The following PAICS variants were observed in gnomAD, a reference collection of about 807,000 sequenced individuals.
PAICS encodes phosphoribosylaminoimidazole carboxylase and phosphoribosylaminoimidazolesuccinocarboxamide synthase, also known as bifunctional phosphoribosylaminoimidazole carboxylase/phosphoribosylaminoimidazole succinocarboxamide synthetase.
A neutral mutation model predicts 53.7 loss-of-function variants in PAICS; 33 were observed. The observed-to-expected ratio is 0.61, with a 90% CI of 0.47 to 0.82. The LOEUF (loss-of-function observed/expected upper bound fraction) is 0.82, where lower values mean the gene tolerates loss of function less well. PAICS is among the 40% of genes least tolerant of loss of function. The pLI, the probability that PAICS is intolerant of heterozygous loss-of-function variation, is 0.00. For synonymous variants in PAICS, 141 were observed against 167.2 expected (o/e 0.84, Z 1.21); for missense variants, 394 against 494.1 (o/e 0.80, Z 1.92).
At chr4:56,434,618 C>T (rs1480575347), upstream of PAICS, among the ~76,000 whole-genome samples, 4 of 152,146 alleles carry the variant, frequency 2.6e-5, no homozygotes, top group South Asian at 6.2e-4. Flanking sequence ...CCCTGTCCCC[C>T]TTTTGAAGAA....
the PAICS span, among the ~76,000 whole-genome samples, chr4:56,426,865 C>A: frequency 6.6e-6 from 1 of 152,198 alleles, no homozygotes; most frequent in Non-Finnish European, 1.5e-5. Flanking sequence ...TCATTCCAAA[C>A]TGAAACTTCT....
intron 2 of PAICS, among the ~76,000 whole-genome samples, chr4:56,444,370 T>C (rs1177923196): frequency 1.3e-5 from 2 of 152,198 alleles, no homozygotes; most frequent in African/African-American, 4.8e-5. Flanking sequence ...GAAATCCCAA[T>C]TTCCTCACAG....
At chr4:56,453,023 A>C (rs1718994128) in intron 7 of PAICS, among the ~76,000 whole-genome samples, 2 of 152,226 alleles carry the variant, frequency 1.3e-5, no homozygotes, top group Non-Finnish European at 2.9e-5. Flanking sequence ...TTTGGATTCT[A>C]GGTTAACAAA....
the PAICS span, chr4:56,419,821 TAGACAG>T: frequency 3.6e-5 from 35 of 984,210 alleles, no homozygotes; most frequent in East Asian, 2.5e-3. Flanking sequence ...AAATTTGGAA[TAGACAG>T]AGACTGGAAA....
In PAICS at chr4:56,451,874, G is replaced by T. The variant is rs1263058178; in HGVS notation, c.774G>T (p.Leu258Phe). 6.5e-7 allele frequency: 1 copy of T among 1,543,260 alleles called. No homozygotes were observed. Among genetic ancestry groups the T allele is most frequent in the Non-Finnish European group, 8.7e-7 (1 of 1,146,526 alleles). ...NFEWVAERVE[L>F]LLKSESQCRV... ...ATATCCACGTATTTTTTCTTCAGTT[G>T]CTTTTGAAATCAGAAAGTCAGTGCA... Residue 258 changes from leucine to phenylalanine, a missense_variant and splice_region_variant, in exon 7 of 9, where the codon TTG becomes TTT. Leu to Phe is a conservative substitution (Grantham distance 22). Coordinates refer to ENST00000512576, the MANE Select transcript of PAICS (RefSeq NM_001079524.2).
the PAICS span, chr4:56,414,270 A>G: frequency 6.6e-6 from 1 of 152,236 alleles, no homozygotes; most frequent in African/African-American, 2.4e-5. Context: ...AGAAGGGAAG[A>G]AAACGAAAGT....
At chr4:56,414,887 T>A in the PAICS span, among the ~76,000 whole-genome samples, 1 of 152,244 alleles carries the variant, frequency 6.6e-6, no homozygotes, top group Admixed American at 6.5e-5. Flanking sequence ...GACAACATTT[T>A]AGCCTAAAGC....
At chr4:56,456,098 C>CT (rs1553942829) in intron 8 of PAICS, among the ~76,000 whole-genome samples, 2 of 151,836 alleles carry the variant, frequency 1.3e-5, no homozygotes, top group South Asian at 4.2e-4. Context: ...TTGAGTTTTT[C>CT]TTTTTTTTCT....
chr4:56,424,066 T>A, the PAICS span, among the ~76,000 whole-genome samples: 1 of 152,236 alleles, frequency 6.6e-6, no homozygotes, highest in Non-Finnish European at 1.5e-5. Flanking sequence ...TTCATTTTTA[T>A]TTTTTGTATT....
chr4:56,435,583 G>A, upstream of PAICS: 4 of 1,576,302 alleles, frequency 2.5e-6, no homozygotes, highest in East Asian at 2.2e-5. Context: ...GCTCGCGACA[G>A]GCTCTTCCTT....
intron 8 of PAICS, among the ~76,000 whole-genome samples, chr4:56,457,463 T>C (rs1719272253): frequency 6.6e-6 from 1 of 152,104 alleles, no homozygotes; most frequent in Admixed American, 6.6e-5. Flanking sequence ...AAAGAGGCAG[T>C]TACTCAGGTA....
the PAICS span, chr4:56,419,605 CTAA>C: frequency 2.2e-6 from 2 of 911,352 alleles, no homozygotes; most frequent in Non-Finnish European, 2.6e-6. Flanking sequence ...ACCTCTCTAC[CTAA>C]TGCAGGTATC....
chr4:56,448,702 G>A lies in PAICS; in HGVS notation c.574-8G>A, dbSNP rs1384117073. The A allele has an allele frequency of 1.3e-6, 2 of 1,551,874 alleles. No individual in the cohort carries two copies. Among genetic ancestry groups the A allele is most frequent in the East Asian group, 2.3e-5 (1 of 44,106 alleles). On this transcript the variant is annotated splice_polypyrimidine_tract_variant and splice_region_variant and intron_variant, in intron 4 of 8. Transcript: ENST00000512576. ...TTTTTGAAAACTTTGTTGACATGCT[G>A]TTTCCAGATTGAATTTGGTGTTGAT...
chr4:56,441,753 A>G lies in PAICS; in HGVS notation c.107A>G (p.Lys36Arg), dbSNP rs199691030. Residue 36 changes from lysine (K) to arginine (R), a missense_variant, in exon 2 of 9, where the codon AAG becomes AGG. Around this residue, in one of 3 missense-constraint regions of PAICS, gnomAD observed 168 missense variants for 199.3 expected, o/e 0.84. Coordinates refer to ENST00000512576, the MANE Select transcript of PAICS (RefSeq NM_001079524.2). ...DSPGKVLLQSKDQITAGNAAR... is the reference protein window; with the variant it reads ...DSPGKVLLQSRDQITAGNAAR... Reference sequence around the variant, plus strand: ...CCAGGAAAAGTCCTCCTGCAGTCCAAGGACCAGATTACAGCAGGAAATGCA... The same window carrying G: ...CCAGGAAAAGTCCTCCTGCAGTCCAGGGACCAGATTACAGCAGGAAATGCA... The G allele has an allele frequency of 1.2e-3, 2,002 of 1,605,140 alleles. 4 individuals are homozygous for G. Among genetic ancestry groups the G allele is most frequent in the Admixed American group, 1.5e-3 (91 of 58,722 alleles).
At position 56,463,814 on chromosome 4, in the gene PAICS, A is replaced by T. The variant is rs1157977972; in HGVS notation, c.*4276A>T. On this transcript the variant is annotated 3_prime_UTR_variant, in exon 9 of 9. Coordinates refer to ENST00000512576, the MANE Select transcript of PAICS (RefSeq NM_001079524.2). ...TCTGTCAACTTGACTAGGCTACGGG[A>T]TGCCTTGATAGCTGGTCAAACAACA... is the stretch of plus-strand genomic sequence containing the variant. 1 of 152,142 alleles carries T rather than the reference A, an allele frequency of 6.6e-6. No homozygotes were observed. The highest frequency in any genetic ancestry group is 2.4e-5 in the African/African-American group (1 of 41,412). The allele number at this position is 152,142 out of a possible 1,614,324, so 9.4% of individuals were successfully genotyped here.
upstream of PAICS, chr4:56,435,721 G>A (rs1717882974): frequency 6.8e-7 from 1 of 1,470,882 alleles, no homozygotes; most frequent in East Asian, 2.5e-5. Flanking sequence ...GCGGCTGAGG[G>A]GCGGGGTCAC....
chr4:56,435,978 A>C (rs571956607), upstream of PAICS: 46 of 1,509,206 alleles, frequency 3.0e-5, no homozygotes, highest in Non-Finnish European at 3.7e-5. Flanking sequence ...GGGCCGGGGT[A>C]TGCGAGCTTC....
At chr4:56,417,134 C>G in the PAICS span, among the ~76,000 whole-genome samples, 5 of 152,184 alleles carry the variant, frequency 3.3e-5, no homozygotes, top group Non-Finnish European at 7.3e-5. Context: ...CAGGCGTGAG[C>G]CACTGCACCC....
chr4:56,436,430 C>A, intron 1 of PAICS, 102 bp downstream of exon 1: 1 of 1,013,940 alleles, frequency 9.9e-7, no homozygotes, highest in Non-Finnish European at 1.5e-6. Context: ...CTCCCTGCAG[C>A]AGCGCCTCTA....
Sources: allele counts gnomAD v4.1 joint callset (sites outside exome capture counted in the v4.1 genomes callset), GRCh38; gene constraint gnomAD v4.1.1; regional missense constraint gnomAD v4.1.1; transcripts MANE v1.5; gene names NCBI Gene and HGNC (gene_info 2026-07-23, HGNC 2026-07-21).